The following DAB1 variants were observed in gnomAD, a reference collection of about 807,000 sequenced individuals.
The protein encoded by DAB1 is disabled homolog 1.
DAB1 carries 15 observed loss-of-function variants against 64.6 expected under a neutral mutation model. That is an observed-to-expected ratio of 0.23 (90% confidence interval 0.16 to 0.36). DAB1 has a LOEUF of 0.36. DAB1 is among the 10% of genes least tolerant of loss of function. The probability of loss-of-function intolerance (pLI) is 1.00; values close to 1 mark genes in which losing one functional copy is unlikely to be tolerated. For synonymous variants in DAB1, 235 were observed against 251.9 expected (o/e 0.93, Z 0.64); for missense variants, 596 against 706.7 (o/e 0.84, Z 1.78).
At chr1:57,772,401 G>C (rs565123430) in intron 6 of DAB1, among the ~76,000 whole-genome samples, 1 of 152,228 alleles carries the variant, frequency 6.6e-6, no homozygotes, top group East Asian at 1.9e-4. Context: ...TGTTATAGCA[G>C]CTCAAAATGG....
intron 4 of DAB1, among the ~76,000 whole-genome samples, chr1:57,097,169 A>G (rs1557713441): frequency 6.6e-6 from 1 of 152,246 alleles, no homozygotes; most frequent in Admixed American, 6.5e-5. Context: ...TGAATGAGCA[A>G]TATTTTTCCA....
At chr1:58,238,671 C>T (rs1347310365) in intron 4 of DAB1, among the ~76,000 whole-genome samples, 1 of 152,100 alleles carries the variant, frequency 6.6e-6, no homozygotes, top group Non-Finnish European at 1.5e-5. Context: ...CTCGAATGCC[C>T]AGAGAAGAAA....
chr1:57,814,449 T>C (rs1170177606), intron 6 of DAB1, among the ~76,000 whole-genome samples: 1 of 152,150 alleles, frequency 6.6e-6, no homozygotes, highest in East Asian at 1.9e-4. Flanking sequence ...AAAATATATA[T>C]TCATTTGCCA....
intron 2 of DAB1, among the ~76,000 whole-genome samples, chr1:58,510,851 T>C (rs1032266253): frequency 2.0e-5 from 3 of 151,798 alleles, no homozygotes; most frequent in African/African-American, 7.3e-5. Flanking sequence ...AAACAGGAAA[T>C]TAAGAAACAA....
At chr1:57,488,533 G>A (rs891417769) in intron 7 of DAB1, among the ~76,000 whole-genome samples, 11 of 151,724 alleles carry the variant, frequency 7.3e-5, no homozygotes, top group African/African-American at 1.5e-4. Context: ...AAAATTAGCC[G>A]GGTGTGGTGG....
At chr1:58,318,986 A>G (rs1662620517) in intron 4 of DAB1, among the ~76,000 whole-genome samples, 1 of 152,192 alleles carries the variant, frequency 6.6e-6, no homozygotes, top group African/African-American at 2.4e-5. Context: ...AATTTGCAAG[A>G]AAAGGGGGTT....
intron 1 of DAB1, among the ~76,000 whole-genome samples, chr1:57,868,687 T>C (rs1358176999): frequency 6.6e-6 from 1 of 152,152 alleles, no homozygotes; most frequent in Non-Finnish European, 1.5e-5. Context: ...ATGTGGACTC[T>C]GTATTGTTCT....
chr1:57,514,951 CAT>C (rs1173588247), intron 7 of DAB1, among the ~76,000 whole-genome samples: 4 of 152,110 alleles, frequency 2.6e-5, no homozygotes, highest in Non-Finnish European at 5.9e-5. Flanking sequence ...TCATGAGTGA[CAT>C]ATAATTATTT....
At chr1:57,095,733 G>A (rs1338293539) in intron 4 of DAB1, among the ~76,000 whole-genome samples, 2 of 152,288 alleles carry the variant, frequency 1.3e-5, no homozygotes, top group East Asian at 3.9e-4. Flanking sequence ...TGAGGCAGGT[G>A]AGTAGGGTTA....
At chr1:57,165,023 T>C (rs1402576239) in intron 2 of DAB1, among the ~76,000 whole-genome samples, 1 of 152,122 alleles carries the variant, frequency 6.6e-6, no homozygotes, top group Non-Finnish European at 1.5e-5. Context: ...GGACCCTTGG[T>C]TTACCCTAAT....
intron 6 of DAB1, among the ~76,000 whole-genome samples, chr1:57,699,402 C>A (rs1227033513): frequency 6.6e-6 from 1 of 152,196 alleles, no homozygotes; most frequent in East Asian, 1.9e-4. Context: ...GGGGCTCTGT[C>A]TCCAGGCTTA....
chr1:57,569,836 A>G (rs1212040548), intron 7 of DAB1, among the ~76,000 whole-genome samples: 2 of 152,140 alleles, frequency 1.3e-5, no homozygotes, highest in Non-Finnish European at 2.9e-5. Flanking sequence ...GCATTTAAAT[A>G]TTGTTAACTT....
intron 2 of DAB1, among the ~76,000 whole-genome samples, chr1:57,225,471 C>A (rs569526603): frequency 1.3e-5 from 2 of 152,238 alleles, no homozygotes; most frequent in African/African-American, 4.8e-5. Context: ...CACCTTTCAC[C>A]ACCCACCCAT....
chr1:57,010,722 A>G lies in DAB1; in HGVS notation c.1641T>C (p.Asp547=), dbSNP rs756349172. ...AGCTACCGGCCTGTGGACTTATATT[A>G]TCACCACTGGGCTCCCCACTGGGCT... ...FGEPSGEPSG[D]NISPQAGS Residue 547 remains aspartate (D), a synonymous_variant, in exon 14 of 15, where the codon GAT becomes GAC. Coordinates refer to ENST00000371236, the MANE Select transcript of DAB1 (RefSeq NM_001365792.1). 142 of 1,592,824 alleles carry G rather than the reference A, an allele frequency of 8.9e-5. 1 individual carries two copies. In the East Asian group the frequency reaches 3.2e-3, roughly 36 times the overall value.
chr1:57,950,796 A>C (rs1359639789), intron 5 of DAB1, among the ~76,000 whole-genome samples: 1 of 152,168 alleles, frequency 6.6e-6, no homozygotes, highest in Non-Finnish European at 1.5e-5. Context: ...TAGCACCTTA[A>C]GTACACTTCA....
chr1:57,939,946 A>C (rs976614988), intron 5 of DAB1, among the ~76,000 whole-genome samples: 6 of 152,228 alleles, frequency 3.9e-5, no homozygotes, highest in African/African-American at 7.2e-5. Flanking sequence ...CCAGCTTCCC[A>C]AAAAATTTTA....
intron 7 of DAB1, among the ~76,000 whole-genome samples, chr1:57,644,275 G>A (rs1646165939): frequency 1.3e-5 from 2 of 152,186 alleles, no homozygotes; most frequent in Non-Finnish European, 1.5e-5. Context: ...ATGAGGTGGT[G>A]AGAGGCTTTA....
At chr1:58,448,423 G>T (rs888782820) in intron 3 of DAB1, among the ~76,000 whole-genome samples, 6 of 152,188 alleles carry the variant, frequency 3.9e-5, no homozygotes, top group African/African-American at 7.2e-5. Context: ...TGAGATCAAA[G>T]AGTTGCACAA....
At chr1:58,233,639 C>A (rs1659885851) in intron 4 of DAB1, among the ~76,000 whole-genome samples, 2 of 152,168 alleles carry the variant, frequency 1.3e-5, no homozygotes, top group South Asian at 4.1e-4. Flanking sequence ...GGTTCAGAAA[C>A]TGAGTAAACT....
Sources: gnomAD v4.1 joint callset for allele counts (sites outside exome capture counted in the v4.1 genomes callset) on GRCh38, gnomAD v4.1.1 for gene constraint, MANE v1.5 for transcripts, NCBI Gene and HGNC (gene_info 2026-07-23, HGNC 2026-07-21) for gene names.